Variants in RGS7 observed in about 807,000 individuals in gnomAD.
The protein encoded by RGS7 is regulator of G protein signaling 7.
Under a neutral mutation model 81.1 loss-of-function variants are expected in RGS7, and 27 were observed. The observed-to-expected ratio is 0.33, with a 90% confidence interval of 0.25 to 0.46. The LOEUF (loss-of-function observed/expected upper bound fraction) is 0.46, where lower values mean the gene tolerates loss of function less well. Ranked by LOEUF, RGS7 falls within the 20% of genes least tolerant of loss-of-function variation. The pLI, the probability that RGS7 is intolerant of heterozygous loss-of-function variation, is 1.00. For missense variants in RGS7, 396 were observed against 607.4 expected (o/e 0.65, Z 3.66); for synonymous variants, 208 against 207.7 (o/e 1.00, Z -0.01).
intron 2 of RGS7, among the ~76,000 whole-genome samples, chr1:241,259,650 C>CA (rs71571832): frequency 0.2 from 7,806 of 39,892 alleles, 1,437 homozygotes; most frequent in African/African-American, 0.22. Flanking sequence ...AACTCCGTCT[C>CA]AAAAAAAAAA....
chr1:240,990,798 T>C (rs1451360852), intron 3 of RGS7, among the ~76,000 whole-genome samples: 1 of 152,250 alleles, frequency 6.6e-6, no homozygotes, highest in Non-Finnish European at 1.5e-5. Context: ...AAAACAGATA[T>C]GTTTCCTTTC....
chr1:240,833,427 C>T (rs1308433381), intron 9 of RGS7, among the ~76,000 whole-genome samples: 1 of 152,166 alleles, frequency 6.6e-6, no homozygotes, highest in Non-Finnish European at 1.5e-5. Flanking sequence ...CAGAGTGCAA[C>T]CATAGATAAG....
chr1:241,321,744 A>AT (rs1350910752), intron 2 of RGS7, among the ~76,000 whole-genome samples: 1 of 152,186 alleles, frequency 6.6e-6, no homozygotes, highest in Non-Finnish European at 1.5e-5. Context: ...ACCTTCTATA[A>AT]TCTATTATAT....
At chr1:241,261,769 C>CA (rs10711166) in intron 2 of RGS7, among the ~76,000 whole-genome samples, 2 of 125,084 alleles carry the variant, frequency 1.6e-5, no homozygotes, top group Non-Finnish European at 3.9e-5. Context: ...TAATTTTAAC[C>CA]AAAAAACCCA....
At chr1:241,185,808 T>C (rs979157096) in intron 2 of RGS7, among the ~76,000 whole-genome samples, 1 of 152,108 alleles carries the variant, frequency 6.6e-6, no homozygotes, top group Non-Finnish European at 1.5e-5. Context: ...AACCACAACA[T>C]ATTAAGTATT....
intron 3 of RGS7, among the ~76,000 whole-genome samples, chr1:241,068,238 G>GTGTGTATATATATATATATATATATATA: frequency 3.6e-4 from 13 of 35,672 alleles, no homozygotes; most frequent in African/African-American, 1.2e-3. Context: ...GTGTGTGTGT[G>GTGTGTATATATATATATATATATATATA]TATATATATA....
intron 7 of RGS7, 85 bp downstream of exon 7, chr1:240,869,970 A>G (rs1558386222): frequency 9.3e-7 from 1 of 1,071,394 alleles, no homozygotes; most frequent in Non-Finnish European, 1.5e-6. Flanking sequence ...ATGAATGAAG[A>G]GTTAACATCC....
chr1:241,213,391 A>C (rs570649457), intron 2 of RGS7, among the ~76,000 whole-genome samples: 26 of 152,334 alleles, frequency 1.7e-4, no homozygotes, highest in African/African-American at 5.8e-4. Flanking sequence ...CAAATATGAC[A>C]GGAGGTGAAA....
At chr1:241,020,779 T>C (rs985234870) in intron 3 of RGS7, among the ~76,000 whole-genome samples, 4 of 152,200 alleles carry the variant, frequency 2.6e-5, no homozygotes, top group Non-Finnish European at 5.9e-5. Flanking sequence ...GTGTTTTAAT[T>C]TCTTTGTCCA....
At chr1:240,919,138 G>A (rs902695816) in intron 6 of RGS7, among the ~76,000 whole-genome samples, 6 of 151,954 alleles carry the variant, frequency 3.9e-5, no homozygotes, top group African/African-American at 1.5e-4. Flanking sequence ...AACTTCACTG[G>A]GGAATTCTAC....
intron 6 of RGS7, among the ~76,000 whole-genome samples, chr1:240,889,254 G>T (rs998774247): frequency 6.6e-6 from 1 of 152,196 alleles, no homozygotes; most frequent in African/African-American, 2.4e-5. Context: ...ACTGCACCTG[G>T]CGAGAGGTAA....
At chr1:241,351,975 G>A (rs1047616283) in intron 2 of RGS7, among the ~76,000 whole-genome samples, 3 of 152,284 alleles carry the variant, frequency 2.0e-5, no homozygotes, top group Admixed American at 1.3e-4. Context: ...AGGTGACCTA[G>A]AAATTTTGTT....
intron 9 of RGS7, among the ~76,000 whole-genome samples, chr1:240,848,431 C>T (rs899964590): frequency 5.3e-5 from 8 of 152,016 alleles, no homozygotes; most frequent in East Asian, 1.9e-4. Flanking sequence ...CTTGTATAAG[C>T]AAAGACACTT....
Position 241,227,476 on chromosome 1 carries a change from T to C in RGS7, c.78+128223A>G, listed in dbSNP as rs1005570745. Among the ~76,000 whole-genome samples the C allele has an allele frequency of 3.4e-5, 5 of 148,670 alleles. No homozygotes were observed. The Admixed American group carries it at 3.4e-4, about 10-fold the overall frequency. On this transcript the variant is annotated intron_variant, in intron 2 of 18. Transcript: ENST00000440928. ...TCAAGAGCGAATAGGCTCACACCTA[T>C]AATCCTAGCGCTTTGAGAGGCTCAG...
chr1:241,305,801 C>T (rs2080068909), intron 2 of RGS7: 2 of 276,144 alleles, frequency 7.2e-6, no homozygotes, highest in Non-Finnish European at 7.1e-6. Flanking sequence ...TGCTGAGGCG[C>T]CCGCTTGGCT....
At chr1:240,787,070 T>C (rs772858407) in intron 18 of RGS7, among the ~76,000 whole-genome samples, 19 of 152,212 alleles carry the variant, frequency 1.2e-4, no homozygotes, top group Non-Finnish European at 2.6e-4. Context: ...TGAGATCACC[T>C]ATTTTCTTAA....
chr1:240,866,300 A>G (rs1377349006), intron 9 of RGS7, among the ~76,000 whole-genome samples: 1 of 152,146 alleles, frequency 6.6e-6, no homozygotes, highest in Non-Finnish European at 1.5e-5. Context: ...TCACGAGGTC[A>G]GGAGATCGAG....
intron 3 of RGS7, among the ~76,000 whole-genome samples, chr1:241,019,312 A>C (rs1299445723): frequency 6.6e-6 from 1 of 152,002 alleles, no homozygotes; most frequent in Non-Finnish European, 1.5e-5. Flanking sequence ...CTGTTGCTGC[A>C]GACTTTTTTC....
At chr1:241,227,614 G>T (rs187415765) in intron 2 of RGS7, among the ~76,000 whole-genome samples, 1 of 148,864 alleles carries the variant, frequency 6.7e-6, no homozygotes, top group Non-Finnish European at 1.5e-5. Flanking sequence ...GGGCATGGTG[G>T]TGTGCACCTG....
Sources: gnomAD v4.1 joint callset for allele counts (sites outside exome capture counted in the v4.1 genomes callset) on GRCh38, gnomAD v4.1.1 for gene constraint, MANE v1.5 for transcripts, NCBI Gene and HGNC (gene_info 2026-07-23, HGNC 2026-07-21) for gene names.